BMPER: variants seen among roughly 807,000 people sequenced by gnomAD.
BMPER encodes BMP binding endothelial regulator, also known as BMP-binding endothelial regulator protein.
In BMPER, 45 loss-of-function variants were observed where a neutral mutation model predicts 87.3. That is an observed-to-expected ratio of 0.52 (90% CI 0.41 to 0.66). The LOEUF (loss-of-function observed/expected upper bound fraction) is 0.66. Among genes scored for constraint, BMPER ranks in the 30% least tolerant of loss-of-function variants. The pLI is 0.00. For missense variants in BMPER, 784 were observed against 867.5 expected (o/e 0.90, Z 1.21); for synonymous variants, 326 against 316.2 (o/e 1.03, Z -0.33).
chr7:34,045,372 G>C (rs1485585578), intron 6 of BMPER, among the ~76,000 whole-genome samples: 3 of 152,106 alleles, frequency 2.0e-5, no homozygotes, highest in African/African-American at 7.2e-5. Flanking sequence ...CTTAACTGGG[G>C]CTGGGGAAGC....
In BMPER at chr7:33,905,547, G is replaced by A. The variant is rs1783788242; in HGVS notation, c.-67G>A. 6.3e-7 allele frequency: 1 copy of A among 1,594,610 alleles called. No homozygotes were observed. Among genetic ancestry groups the A allele is most frequent in the East Asian group, 2.2e-5 (1 of 44,546 alleles). ...GGCTGAGAGCCCTTTTCGACTGTGAGCTGCGGCAGCTGAGCAGAGGCGGCG... is the reference window on the plus strand; with the variant it reads ...GGCTGAGAGCCCTTTTCGACTGTGAACTGCGGCAGCTGAGCAGAGGCGGCG... On this transcript the variant is annotated 5_prime_UTR_variant, in exon 1 of 15. Coordinates refer to ENST00000649409, the MANE Select transcript of BMPER (RefSeq NM_001365308.1).
intron 2 of BMPER, among the ~76,000 whole-genome samples, chr7:33,926,279 C>T (rs1445517075): frequency 6.6e-6 from 1 of 152,232 alleles, no homozygotes; most frequent in East Asian, 1.9e-4. Context: ...TTTATAGCCC[C>T]ATGCCACATG....
At chr7:33,923,337 A>C (rs931071696) in intron 2 of BMPER, among the ~76,000 whole-genome samples, 38 of 152,292 alleles carry the variant, frequency 2.5e-4, no homozygotes, top group Non-Finnish European at 4.7e-4. Context: ...ACCCGTCTGT[A>C]ATACTCACCC....
At chr7:33,940,459 C>T (rs979152957) in intron 3 of BMPER, among the ~76,000 whole-genome samples, 3 of 152,154 alleles carry the variant, frequency 2.0e-5, no homozygotes, top group Non-Finnish European at 2.9e-5. Flanking sequence ...GGAGGGAGAC[C>T]CTTGGGAGGG....
At chr7:34,092,964 C>G (rs1471457829) in intron 13 of BMPER, among the ~76,000 whole-genome samples, 1 of 152,152 alleles carries the variant, frequency 6.6e-6, no homozygotes, top group African/African-American at 2.4e-5. Flanking sequence ...GAGATTGAGT[C>G]AACTGTATAG....
intron 3 of BMPER, among the ~76,000 whole-genome samples, chr7:33,960,199 A>G (rs1391845772): frequency 6.6e-6 from 1 of 152,252 alleles, no homozygotes; most frequent in African/African-American, 2.4e-5. Flanking sequence ...TGGTTTGGCT[A>G]TAAAATTCCC....
At chr7:33,966,160 C>T (rs1048861470) in intron 3 of BMPER, among the ~76,000 whole-genome samples, 8 of 152,166 alleles carry the variant, frequency 5.3e-5, no homozygotes, top group Admixed American at 2.6e-4. Flanking sequence ...AGCTCTGTTA[C>T]TCCTCATACA....
At chr7:34,018,539 T>C (rs1787098324) in intron 6 of BMPER, among the ~76,000 whole-genome samples, 2 of 152,068 alleles carry the variant, frequency 1.3e-5, no homozygotes, top group East Asian at 2.0e-4. Context: ...CTCGCAAAAG[T>C]TGAGAGATGA....
intron 6 of BMPER, among the ~76,000 whole-genome samples, chr7:33,993,571 C>G (rs1401781921): frequency 6.6e-6 from 1 of 151,852 alleles, no homozygotes; most frequent in Non-Finnish European, 1.5e-5. Flanking sequence ...TGAATGTCCT[C>G]CCGTAGCTCA....
chr7:33,962,698 C>T (rs189594597), intron 3 of BMPER, among the ~76,000 whole-genome samples: 4 of 152,192 alleles, frequency 2.6e-5, no homozygotes, highest in East Asian at 1.9e-4. Flanking sequence ...CCACACCTCC[C>T]GCTGCAGTAC....
chr7:34,130,421 C>T (rs1790554036), intron 13 of BMPER, among the ~76,000 whole-genome samples: 1 of 152,318 alleles, frequency 6.6e-6, no homozygotes, highest in Non-Finnish European at 1.5e-5. Flanking sequence ...GAACTTCCCT[C>T]AGTATGTTAG....
chr7:33,940,026 G>GT (rs149536464), intron 3 of BMPER: 6,415 of 236,390 alleles, frequency 0.027, 60 homozygotes, highest in East Asian at 0.099. Flanking sequence ...ATTTTGGTGA[G>GT]TTTTTTTTTT....
At chr7:33,927,928 A>G (rs1190139870) in intron 2 of BMPER, among the ~76,000 whole-genome samples, 1 of 152,202 alleles carries the variant, frequency 6.6e-6, no homozygotes, top group African/African-American at 2.4e-5. Flanking sequence ...CAGAGGAAGA[A>G]GCAGATTTAT....
chr7:34,055,139 T>C (rs987757322), intron 8 of BMPER, 24 bp from the exon 9 acceptor site: 42 of 1,613,976 alleles, frequency 2.6e-5, no homozygotes, highest in Admixed American at 8.3e-5. Context: ...ATTTTTAATT[T>C]CTATTTTGCC....
intron 2 of BMPER, among the ~76,000 whole-genome samples, chr7:33,908,415 A>G (rs991844574): frequency 2.6e-5 from 4 of 152,186 alleles, no homozygotes; most frequent in African/African-American, 9.6e-5. Context: ...AACTGTTCCC[A>G]AATAACATTA....
chr7:34,023,125 T>C (rs1295782583), intron 6 of BMPER, among the ~76,000 whole-genome samples: 1 of 152,084 alleles, frequency 6.6e-6, no homozygotes, highest in East Asian at 1.9e-4. Flanking sequence ...CTTCATGTTG[T>C]AGGCCTTCAA....
intron 6 of BMPER, among the ~76,000 whole-genome samples, chr7:34,016,962 G>A (rs937506198): frequency 1.3e-5 from 2 of 151,892 alleles, no homozygotes; most frequent in Non-Finnish European, 2.9e-5. Context: ...AAATCAACTT[G>A]ATATTGAACC....
intron 12 of BMPER, among the ~76,000 whole-genome samples, chr7:34,081,985 A>T (rs535819690): frequency 6.6e-6 from 1 of 152,306 alleles, no homozygotes; most frequent in African/African-American, 2.4e-5. Context: ...AAAAACCACA[A>T]AAAACCCAAC....
At chr7:33,971,233 C>G (rs574275126) in intron 5 of BMPER, among the ~76,000 whole-genome samples, 2 of 151,930 alleles carry the variant, frequency 1.3e-5, no homozygotes, top group Non-Finnish European at 1.5e-5. Flanking sequence ...TGTGAAGTGG[C>G]TAAGTCACCA....
Sources: allele counts gnomAD v4.1 joint callset (sites outside exome capture counted in the v4.1 genomes callset), GRCh38; gene constraint gnomAD v4.1.1; transcripts MANE v1.5; gene names NCBI Gene and HGNC (gene_info 2026-07-23, HGNC 2026-07-21).